DPYSL2: variants seen among roughly 807,000 people sequenced by gnomAD.
DPYSL2 encodes the protein dihydropyrimidinase like 2, also known as dihydropyrimidinase-related protein 2.
DPYSL2 carries 13 observed loss-of-function variants against 69.9 expected under a neutral mutation model. The ratio of observed to expected loss-of-function variants is 0.19; its 90% CI spans 0.12 to 0.30. The LOEUF (loss-of-function observed/expected upper bound fraction) is 0.30, where lower values mean the gene tolerates loss of function less well. Ranked by LOEUF, DPYSL2 falls within the 10% of genes least tolerant of loss-of-function variation. DPYSL2 has a pLI of 1.00. For missense variants in DPYSL2, 587 were observed against 918.9 expected, an observed-to-expected ratio of 0.64 and a Z score of 4.67; for synonymous variants, 326 against 359.1, an observed-to-expected ratio of 0.91 and a Z score of 1.04.
chr8:26,542,865 C>T (rs1244901005), intron 1 of DPYSL2, among the ~76,000 whole-genome samples: 1 of 152,178 alleles, frequency 6.6e-6, no homozygotes, highest in African/African-American at 2.4e-5. Flanking sequence ...TTAGACACAA[C>T]ATCCAGTTTT....
intron 11 of DPYSL2, among the ~76,000 whole-genome samples, chr8:26,649,217 G>C (rs547054943): frequency 6.6e-6 from 1 of 152,354 alleles, no homozygotes; most frequent in South Asian, 2.1e-4. Context: ...TTGCGGTTGA[G>C]CCAGAATTAG....
intron 11 of DPYSL2, among the ~76,000 whole-genome samples, chr8:26,649,564 C>T (rs1361086245): frequency 2.0e-5 from 3 of 152,212 alleles, no homozygotes; most frequent in Non-Finnish European, 4.4e-5. Context: ...TCCATCCCCA[C>T]CTGTTTTAAA....
rs79644832 is a variant in DPYSL2, at chr8:26,514,268, C to A, written c.-58C>A. 7,842 of 1,385,978 alleles carry A rather than the reference C, an allele frequency of 5.7e-3. 347 individuals carry two copies. The African/African-American group carries it at 0.098, about 17-fold the overall frequency. The allele number at this position is 1,385,978 out of a possible 1,614,324, so 85.9% of individuals were successfully genotyped here. A position where few individuals can be genotyped will look rare whatever the true frequency, so the allele number is the denominator to read the frequency against. On this transcript the variant is annotated 5_prime_UTR_variant, in exon 1 of 14. Coordinates refer to ENST00000521913, the MANE Select transcript of DPYSL2 (RefSeq NM_001197293.3). This position sits in a 1 kb window ranked among gnomAD's most constrained non-coding sequence, Gnocchi z 8.4. ...GGGCTTGTGCACACAGCGAGGGAGA[C>A]TTAGGGACTGGCAGACGGACGGACG... is the stretch of plus-strand genomic sequence containing the variant.
Position 26,514,506 on chromosome 8 carries a change from T to A in DPYSL2, c.181T>A (p.Ser61Thr). ...DFDSLSVGRG[S>T]GQVVAQQRDV... ...CGACTCGCTGTCGGTGGGCCGGGGC[T>A]CGGGGCAGGTGGTGGCTCAGCAGCG... The change falls in exon 1 of 14, where the codon TCG becomes ACG. Residue 61 changes from serine (S) to threonine (T), a missense_variant. Around this residue, in one of 3 missense-constraint regions of DPYSL2, gnomAD observed 50 missense variants for 86.8 expected, o/e 0.58. Transcript: ENST00000521913. The surrounding 1 kb of genome is among the most constrained non-coding windows in gnomAD (Gnocchi z 8.4). 2.0e-6 allele frequency: 3 copies of A among 1,529,306 alleles called. No individual in the cohort carries two copies. Among genetic ancestry groups the A allele is most frequent in the Non-Finnish European group, 2.6e-6 (3 of 1,144,578 alleles). 94.7% of individuals were successfully genotyped at this position (1,529,306 alleles called of 1,614,324 possible). A position where few individuals can be genotyped will look rare whatever the true frequency, so the allele number is the denominator to read the frequency against.
At position 26,582,271 on chromosome 8, in the gene DPYSL2, A is replaced by G. The variant is rs932654056; in HGVS notation, c.443+214A>G. Among the ~76,000 whole-genome samples, 2 of 152,242 alleles carry G rather than the reference A, an allele frequency of 1.3e-5. No homozygotes were observed. Among genetic ancestry groups the G allele is most frequent in the Non-Finnish European group, 2.9e-5 (2 of 68,048 alleles). ...GCAACAATTAATGTACACCCGTTGC[A>G]TTAGGTATTATGTAATTTACTATTT... On this transcript the variant is annotated intron_variant, in intron 2 of 13. Coordinates refer to ENST00000521913, the MANE Select transcript of DPYSL2 (RefSeq NM_001197293.3). This position sits in a 1 kb window ranked among gnomAD's most constrained non-coding sequence, Gnocchi z 4.1.
chr8:26,566,404 G>C (rs1585512668), intron 1 of DPYSL2, among the ~76,000 whole-genome samples: 1 of 152,212 alleles, frequency 6.6e-6, no homozygotes, highest in Non-Finnish European at 1.5e-5. Context: ...GTTGCTTACT[G>C]TGAAATGCTG....
intron 1 of DPYSL2, among the ~76,000 whole-genome samples, chr8:26,569,968 G>A (rs1585514988): frequency 6.6e-6 from 1 of 152,238 alleles, no homozygotes; most frequent in South Asian, 2.1e-4. Context: ...ACTTTAGGAG[G>A]ATCAGTTGAG....
chr8:26,648,007 A>G lies in DPYSL2; in HGVS notation c.1596+207A>G, dbSNP rs963513603. Among the ~76,000 whole-genome samples the G allele has an allele frequency of 1.3e-5, 2 of 152,184 alleles. No homozygotes were observed. Among genetic ancestry groups the G allele is most frequent in the African/African-American group, 4.8e-5 (2 of 41,446 alleles). On this transcript the variant is annotated intron_variant, in intron 11 of 13. Transcript: ENST00000521913. This position sits in a 1 kb window ranked among gnomAD's most constrained non-coding sequence, Gnocchi z 4.3. ...CAATAAGATTGTTACTCTCATAATC[A>G]TTTTGGAATACCACAGCCTCTCTAT...
At chr8:26,566,456 A>C (rs1170857777) in intron 1 of DPYSL2, among the ~76,000 whole-genome samples, 1 of 152,202 alleles carries the variant, frequency 6.6e-6, no homozygotes, top group Non-Finnish European at 1.5e-5. Flanking sequence ...TAACTCTTGG[A>C]CTATAGGGCT....
In DPYSL2 at chr8:26,652,828, G is replaced by A. The variant is rs1412269545; in HGVS notation, c.1776+392G>A. ...TAAGAGTATCATGAGCATAGAAAAT[G>A]TACAGTGTATTCAGGGCATGTGAAG... is the stretch of plus-strand genomic sequence containing the variant. On this transcript the variant is annotated intron_variant, in intron 12 of 13. Transcript: ENST00000521913. The surrounding 1 kb of genome is among the most constrained non-coding windows in gnomAD (Gnocchi z 6.3). Among the ~76,000 whole-genome samples, 3 of 152,190 alleles carry A rather than the reference G, an allele frequency of 2.0e-5. No homozygotes were observed. The highest frequency in any genetic ancestry group is 7.2e-5 in the African/African-American group (3 of 41,442).
At chr8:26,618,859 G>A (rs900150878) in intron 3 of DPYSL2, among the ~76,000 whole-genome samples, 1 of 151,884 alleles carries the variant, frequency 6.6e-6, no homozygotes, top group Non-Finnish European at 1.5e-5. Flanking sequence ...TCAGGACGCT[G>A]AGGCAGGAGA....
At chr8:26,552,939 A>T (rs1800893124) in intron 1 of DPYSL2, among the ~76,000 whole-genome samples, 2 of 152,208 alleles carry the variant, frequency 1.3e-5, no homozygotes, top group South Asian at 4.1e-4. Context: ...GAGAGAAGAC[A>T]CAAGTTACTA....
At chr8:26,548,607 G>A (rs1304821208) in intron 1 of DPYSL2, 2 of 152,216 alleles carry the variant, frequency 1.3e-5, no homozygotes, top group Non-Finnish European at 1.5e-5. Flanking sequence ...TTCAGGCCAT[G>A]TGTGGTGGCT....
chr8:26,528,872 G>T (rs1585490578), intron 1 of DPYSL2, among the ~76,000 whole-genome samples: 2 of 152,030 alleles, frequency 1.3e-5, no homozygotes, highest in South Asian at 4.1e-4. Flanking sequence ...GGCCAGTTTG[G>T]ATAACATTGA....
In DPYSL2 at chr8:26,627,984, G is replaced by A. The variant is rs779615766; in HGVS notation, c.1005+44G>A. The A allele has an allele frequency of 1.4e-5, 23 of 1,586,620 alleles. No homozygotes were observed. In the South Asian group the frequency reaches 2.6e-4, roughly 18 times the overall value. Reference sequence around the variant, plus strand: ...GAATGCGTGAATCAGTGTCCCTTGGGCACTGTGCAGAGCCTCAGGGAACCT... The same window carrying A: ...GAATGCGTGAATCAGTGTCCCTTGGACACTGTGCAGAGCCTCAGGGAACCT... On this transcript the variant is annotated intron_variant, in intron 7 of 13. Coordinates refer to ENST00000521913, the MANE Select transcript of DPYSL2 (RefSeq NM_001197293.3). The surrounding 1 kb of genome is among the most constrained non-coding windows in gnomAD (Gnocchi z 6.9).
At chr8:26,575,050 C>T (rs534756279) in intron 1 of DPYSL2, among the ~76,000 whole-genome samples, 1 of 152,386 alleles carries the variant, frequency 6.6e-6, no homozygotes, top group East Asian at 1.9e-4. Flanking sequence ...TCTCCTGCCT[C>T]AGCCTCCCGA....
At chr8:26,541,312 T>C (rs1429415220) in intron 1 of DPYSL2, among the ~76,000 whole-genome samples, 2 of 152,190 alleles carry the variant, frequency 1.3e-5, no homozygotes, top group African/African-American at 4.8e-5. Flanking sequence ...AAAATTATCC[T>C]TTAAAATTGA....
intron 3 of DPYSL2, among the ~76,000 whole-genome samples, chr8:26,618,536 C>T (rs1802411112): frequency 8.0e-6 from 1 of 124,312 alleles, no homozygotes; most frequent in African/African-American, 3.1e-5. Context: ...CCAGGCTGGT[C>T]TTGAACTCCT....
chr8:26,553,184 A>G (rs963631871), intron 1 of DPYSL2, among the ~76,000 whole-genome samples: 6 of 152,222 alleles, frequency 3.9e-5, no homozygotes, highest in African/African-American at 1.2e-4. Context: ...CGAAAGCACC[A>G]GGCCCAGATT....
Sources: allele counts gnomAD v4.1 joint callset (sites outside exome capture counted in the v4.1 genomes callset), GRCh38; gene constraint gnomAD v4.1.1; regional missense constraint gnomAD v4.1.1; non-coding constraint Gnocchi (gnomAD v3.1); transcripts MANE v1.5; gene names NCBI Gene and HGNC (gene_info 2026-07-23, HGNC 2026-07-21).